PCOLCE2: variants seen among roughly 807,000 people sequenced by gnomAD.
PCOLCE2 encodes procollagen C-endopeptidase enhancer 2.
Under a neutral mutation model 47.0 loss-of-function variants are expected in PCOLCE2, and 42 were observed. The ratio of observed to expected loss-of-function variants is 0.89; its 90% CI spans 0.70 to 1.16. The LOEUF (loss-of-function observed/expected upper bound fraction) is 1.16, where lower values mean the gene tolerates loss of function less well. Among genes scored for constraint, PCOLCE2 ranks in the 50% most tolerant of loss-of-function variants. The pLI is 0.00. For synonymous variants in PCOLCE2, 169 were observed against 191.7 expected, an observed-to-expected ratio of 0.88 and a Z score of 0.98; for missense variants, 500 against 526.1, an observed-to-expected ratio of 0.95 and a Z score of 0.49.
chr3:142,819,793 G>A (rs974134465), intron 8 of PCOLCE2, among the ~76,000 whole-genome samples: 5 of 151,936 alleles, frequency 3.3e-5, no homozygotes, highest in South Asian at 2.1e-4. Context: ...CCACAGGTGC[G>A]CACCACCACA....
chr3:142,882,777 T>C (rs1457275558), intron 2 of PCOLCE2, among the ~76,000 whole-genome samples: 1 of 152,068 alleles, frequency 6.6e-6, no homozygotes, highest in Non-Finnish European at 1.5e-5. Context: ...GATTTGTAAA[T>C]TATGCCCAGT....
chr3:142,862,835 A>G (rs1933205573), intron 2 of PCOLCE2, among the ~76,000 whole-genome samples: 1 of 152,168 alleles, frequency 6.6e-6, no homozygotes, highest in African/African-American at 2.4e-5. Context: ...TTTATACAAG[A>G]AATCTCAAAT....
intron 2 of PCOLCE2, among the ~76,000 whole-genome samples, chr3:142,856,239 G>T (rs529047589): frequency 2.1e-4 from 32 of 152,216 alleles, no homozygotes; most frequent in Admixed American, 9.2e-4. Context: ...AACCACAAAG[G>T]GGAGAAAATT....
Position 142,852,781 on chromosome 3 carries a change from G to A in PCOLCE2, c.193-4309C>T, listed in dbSNP as rs1330355455. Among the ~76,000 whole-genome samples, 4 of 148,684 alleles carry A rather than the reference G, an allele frequency of 2.7e-5. No individual in the cohort carries two copies. The Admixed American group carries it at 2.7e-4, about 10-fold the overall frequency. ...ATATATATTATATATATGTAACCAT[G>A]CAAAATGCACAGTGACTTTTTGTGT... On this transcript the variant is annotated intron_variant, in intron 2 of 8. Coordinates refer to ENST00000295992, the MANE Select transcript of PCOLCE2 (RefSeq NM_013363.4).
At chr3:142,827,489 G>T in intron 6 of PCOLCE2, 1 of 1,509,064 alleles carries the variant, frequency 6.6e-7, no homozygotes, top group East Asian at 2.3e-5. Flanking sequence ...TGATGCCCAG[G>T]ACAGCTTGCT....
At chr3:142,831,010 C>T (rs974426570) in intron 5 of PCOLCE2, among the ~76,000 whole-genome samples, 13 of 152,158 alleles carry the variant, frequency 8.5e-5, no homozygotes, top group African/African-American at 2.2e-4. Context: ...AGAAAAACTG[C>T]GTGATCTTTT....
Position 142,838,782 on chromosome 3 carries a change from T to C in PCOLCE2, c.698A>G (p.Asp233Gly). The C allele has an allele frequency of 1.9e-6, 3 of 1,613,138 alleles. No individual in the cohort carries two copies. Among genetic ancestry groups the C allele is most frequent in the Non-Finnish European group, 2.5e-6 (3 of 1,179,470 alleles). ...DARRIGKYCGDSPPAPIVSER... is the reference protein window; with the variant it reads ...DARRIGKYCGGSPPAPIVSER... ...AGGTGCTACTTACGCAGGTGGACTATCACCACAATACTTTCCAATTCTTCT... is the reference window on the plus strand; with the variant it reads ...AGGTGCTACTTACGCAGGTGGACTACCACCACAATACTTTCCAATTCTTCT... Residue 233 changes from aspartate (D) to glycine (G), a missense_variant, in exon 5 of 9, where the codon GAT becomes GGT. By Grantham distance (94) the Asp-to-Gly change is moderately conservative. Transcript: ENST00000295992.
chr3:142,854,695 G>A (rs74338284), intron 2 of PCOLCE2, among the ~76,000 whole-genome samples: 2,582 of 152,220 alleles, frequency 0.017, 58 homozygotes, highest in African/African-American at 0.055. Flanking sequence ...AGACACCAGT[G>A]GAGATAACCC....
At chr3:142,883,383 G>A (rs1448810115) in intron 2 of PCOLCE2, among the ~76,000 whole-genome samples, 1 of 151,968 alleles carries the variant, frequency 6.6e-6, no homozygotes, top group South Asian at 2.1e-4. Context: ...ACTCTAAATA[G>A]AGTTGCTTTC....
chr3:142,822,096 T>C (rs1339318377), intron 7 of PCOLCE2, among the ~76,000 whole-genome samples: 1 of 152,070 alleles, frequency 6.6e-6, no homozygotes, highest in Non-Finnish European at 1.5e-5. Flanking sequence ...TTTGTATTTT[T>C]AGTAGAGATG....
Position 142,822,181 on chromosome 3 carries a change from A to G in PCOLCE2, c.950-1136T>C, listed in dbSNP as rs566393652. Among the ~76,000 whole-genome samples the G allele has an allele frequency of 4.6e-5, 7 of 152,128 alleles. No individual in the cohort carries two copies. In the East Asian group the frequency reaches 1.4e-3, roughly 29 times the overall value. ...ATCCACCTGCCTCGGCCTCCAAAGT[A>G]CTGGGATTACAGGTGTGAGCCACTG... On this transcript the variant is annotated intron_variant, in intron 7 of 8. Transcript: ENST00000295992.
At chr3:142,888,681 C>T (rs1933764162) in intron 1 of PCOLCE2, 133 bp downstream of exon 1, 3 of 515,642 alleles carry the variant, frequency 5.8e-6, no homozygotes, top group Non-Finnish European at 9.9e-6. Context: ...GACGCCTGCA[C>T]CGCGCGGGAG....
intron 2 of PCOLCE2, among the ~76,000 whole-genome samples, chr3:142,875,242 A>C (rs1578050124): frequency 6.6e-6 from 1 of 152,186 alleles, no homozygotes; most frequent in East Asian, 1.9e-4. Flanking sequence ...GTAACCACTA[A>C]AGCGCAATGG....
At chr3:142,879,340 C>T (rs528617155) in intron 2 of PCOLCE2, among the ~76,000 whole-genome samples, 16 of 152,004 alleles carry the variant, frequency 1.1e-4, no homozygotes, top group African/African-American at 2.4e-4. Context: ...TCTGCTTGAA[C>T]ACAGCACTAA....
At chr3:142,841,118 G>A (rs1937260846) in intron 4 of PCOLCE2, among the ~76,000 whole-genome samples, 1 of 149,852 alleles carries the variant, frequency 6.7e-6, no homozygotes, top group South Asian at 2.1e-4. Context: ...CTTTTGCAGA[G>A]AAGATTAAAA....
At chr3:142,823,383 G>C (rs954729573) in intron 7 of PCOLCE2, 149 bp downstream of exon 7, 2 of 542,314 alleles carry the variant, frequency 3.7e-6, no homozygotes, top group East Asian at 2.9e-5. Flanking sequence ...CTAACAATTT[G>C]ACCATTCTGG....
At chr3:142,886,055 G>A (rs189790099) in intron 2 of PCOLCE2, among the ~76,000 whole-genome samples, 307 of 152,260 alleles carry the variant, frequency 2.0e-3, no homozygotes, top group Non-Finnish European at 3.5e-3. Flanking sequence ...AGTTTATGGC[G>A]GTGAAACTGG....
intron 2 of PCOLCE2, among the ~76,000 whole-genome samples, chr3:142,886,344 C>T (rs150163827): frequency 3.3e-5 from 5 of 152,150 alleles, no homozygotes; most frequent in East Asian, 1.9e-4. Context: ...TTTCTAGGGT[C>T]GTTTAAAACT....
intron 6 of PCOLCE2, chr3:142,827,197 G>T: frequency 7.7e-7 from 1 of 1,291,658 alleles, no homozygotes; most frequent in Non-Finnish European, 1.1e-6. Flanking sequence ...TCTCTGAGAT[G>T]GCGGAGGGGA....
Sources: allele counts gnomAD v4.1 joint callset (sites outside exome capture counted in the v4.1 genomes callset), GRCh38; gene constraint gnomAD v4.1.1; transcripts MANE v1.5; gene names NCBI Gene and HGNC (gene_info 2026-07-23, HGNC 2026-07-21).